Variants in GALNT13 observed in about 807,000 individuals in gnomAD.
The protein encoded by GALNT13 is polypeptide N-acetylgalactosaminyltransferase 13.
A neutral mutation model predicts 64.2 loss-of-function variants in GALNT13; 28 were observed. The observed-to-expected ratio is 0.44, with a 90% CI of 0.32 to 0.60. GALNT13 has a LOEUF of 0.60. GALNT13 is among the 20% of genes least tolerant of loss of function. The pLI, the probability that GALNT13 is intolerant of heterozygous loss-of-function variation, is 0.05. For synonymous variants in GALNT13, 214 were observed against 224.6 expected, an observed-to-expected ratio of 0.95 and a Z score of 0.42; for missense variants, 577 against 669.8, an observed-to-expected ratio of 0.86 and a Z score of 1.53.
At chr2:154,209,404 A>G (rs1039960342) in intron 4 of GALNT13, among the ~76,000 whole-genome samples, 2 of 152,176 alleles carry the variant, frequency 1.3e-5, no homozygotes, top group Admixed American at 1.3e-4. Context: ...TTCAGGGAAT[A>G]GGGCCCAAAG....
chr2:153,343,432 C>A, the GALNT13 span, among the ~76,000 whole-genome samples: 1 of 152,086 alleles, frequency 6.6e-6, no homozygotes, highest in Admixed American at 6.5e-5. Context: ...GTTCTGCATA[C>A]TAACCAACTT....
At chr2:153,406,471 G>A in the GALNT13 span, among the ~76,000 whole-genome samples, 4 of 151,966 alleles carry the variant, frequency 2.6e-5, no homozygotes, top group African/African-American at 7.2e-5. Flanking sequence ...GCAGTGGTCC[G>A]ATCCTGGCTC....
chr2:153,104,992 G>A, the GALNT13 span, among the ~76,000 whole-genome samples: 1 of 149,512 alleles, frequency 6.7e-6, no homozygotes, highest in African/African-American at 2.5e-5. Flanking sequence ...CCATTAACTC[G>A]TCATTTAGCA....
At chr2:154,074,393 C>T (rs1046514397) in intron 3 of GALNT13, among the ~76,000 whole-genome samples, 1 of 151,868 alleles carries the variant, frequency 6.6e-6, no homozygotes, top group East Asian at 1.9e-4. Flanking sequence ...ACAATGGTAA[C>T]ATTTATTGAG....
the GALNT13 span, among the ~76,000 whole-genome samples, chr2:153,849,977 C>T: frequency 0.77 from 107,848 of 140,182 alleles, 42,533 homozygotes; most frequent in Non-Finnish European, 0.86. Context: ...CTGGCTAACG[C>T]GGTGAAACCC....
the GALNT13 span, among the ~76,000 whole-genome samples, chr2:153,437,187 C>G: frequency 2.8e-3 from 417 of 151,490 alleles, 1 homozygote; most frequent in South Asian, 0.011. Flanking sequence ...TATGGTCTGA[C>G]AGACAGTTTG....
the GALNT13 span, among the ~76,000 whole-genome samples, chr2:153,584,239 G>A: frequency 2.6e-5 from 4 of 152,148 alleles, no homozygotes; most frequent in Non-Finnish European, 5.9e-5. Context: ...CAAGACTGGT[G>A]TATGCATCCA....
chr2:153,755,926 TTA>T, the GALNT13 span, among the ~76,000 whole-genome samples: 1 of 152,172 alleles, frequency 6.6e-6, no homozygotes, highest in Non-Finnish European at 1.5e-5. Context: ...TGATTAATGT[TTA>T]TGCCATATTG....
At chr2:153,996,502 C>T (rs1300875662) in intron 3 of GALNT13, among the ~76,000 whole-genome samples, 2 of 151,798 alleles carry the variant, frequency 1.3e-5, no homozygotes, top group East Asian at 1.9e-4. Flanking sequence ...CTATTCATGC[C>T]CTTTGCCCAT....
At chr2:153,296,641 G>C in the GALNT13 span, among the ~76,000 whole-genome samples, 1 of 152,158 alleles carries the variant, frequency 6.6e-6, no homozygotes, top group South Asian at 2.1e-4. Context: ...GAATGAAAGG[G>C]TGTGATTTAA....
rs142177179 is a variant in GALNT13 at position 154,350,795 on chromosome 2, A to G, written c.1157-45196A>G. On this transcript the variant is annotated intron_variant, in intron 9 of 12. Transcript: ENST00000392825. ...TGAGGGTGAGCAGAGGGCAATTAGCATTGTGTAGCAGCAGTGGAAGGCAGT... is the reference window on the plus strand; with the variant it reads ...TGAGGGTGAGCAGAGGGCAATTAGCGTTGTGTAGCAGCAGTGGAAGGCAGT... Among the ~76,000 whole-genome samples the G allele has an allele frequency of 9.8e-4, 149 of 152,300 alleles. 3 individuals are homozygous for G. The East Asian group carries it at 0.022, about 23-fold the overall frequency.
At chr2:154,334,365 A>G (rs543048714) in intron 9 of GALNT13, among the ~76,000 whole-genome samples, 3 of 150,484 alleles carry the variant, frequency 2.0e-5, no homozygotes, top group South Asian at 4.2e-4. Context: ...GCATTCACCA[A>G]GATAACTCAT....
At chr2:153,651,104 G>A in the GALNT13 span, among the ~76,000 whole-genome samples, 70 of 152,212 alleles carry the variant, frequency 4.6e-4, 1 homozygote, top group African/African-American at 1.6e-3. Context: ...TAACAATAGT[G>A]CATTGTACAC....
intron 11 of GALNT13, among the ~76,000 whole-genome samples, chr2:154,417,289 A>G (rs1301292911): frequency 6.6e-6 from 1 of 150,916 alleles, no homozygotes; most frequent in Non-Finnish European, 1.5e-5. Flanking sequence ...CACCAAAAAA[A>G]AAAAAAAAAA....
intron 3 of GALNT13, among the ~76,000 whole-genome samples, chr2:153,973,812 C>G (rs962927801): frequency 6.6e-6 from 1 of 151,868 alleles, no homozygotes; most frequent in African/African-American, 2.4e-5. Flanking sequence ...TATTCACATG[C>G]GCACCTAGTG....
chr2:154,066,791 G>A (rs1700489159), intron 3 of GALNT13, among the ~76,000 whole-genome samples: 1 of 152,046 alleles, frequency 6.6e-6, no homozygotes, highest in Non-Finnish European at 1.5e-5. Flanking sequence ...ATCATCTGAA[G>A]ATATAAAACT....
chr2:154,201,857 C>G (rs1281625942), intron 4 of GALNT13, among the ~76,000 whole-genome samples: 1 of 152,060 alleles, frequency 6.6e-6, no homozygotes, highest in Non-Finnish European at 1.5e-5. Context: ...CACCTAAGTC[C>G]TTGTTCCATT....
intron 10 of GALNT13, among the ~76,000 whole-genome samples, chr2:154,406,712 T>C (rs1330996465): frequency 6.6e-6 from 1 of 152,190 alleles, no homozygotes; most frequent in African/African-American, 2.4e-5. Flanking sequence ...ACTTCTTGAT[T>C]TTCTGACATA....
At chr2:153,646,150 T>G in the GALNT13 span, among the ~76,000 whole-genome samples, 1 of 152,112 alleles carries the variant, frequency 6.6e-6, no homozygotes, top group Non-Finnish European at 1.5e-5. Context: ...TTATATTTAT[T>G]GTTCTTCCTC....
Sources: allele counts gnomAD v4.1 joint callset (sites outside exome capture counted in the v4.1 genomes callset), GRCh38; gene constraint gnomAD v4.1.1; transcripts MANE v1.5; gene names NCBI Gene and HGNC (gene_info 2026-07-23, HGNC 2026-07-21).